The following SV2C variants were observed in gnomAD, a reference collection of about 807,000 sequenced individuals.
SV2C encodes the protein synaptic vesicle glycoprotein 2C, also known as solute carrier family 22 member B3.
SV2C carries 49 observed loss-of-function variants against 79.7 expected under a neutral mutation model. The observed-to-expected ratio is 0.61, with a 90% CI of 0.49 to 0.78. The LOEUF (loss-of-function observed/expected upper bound fraction) is 0.78. Among genes scored for constraint, SV2C ranks in the 30% least tolerant of loss-of-function variants. SV2C has a pLI of 0.00. For synonymous variants in SV2C, 334 were observed against 333.2 expected, an observed-to-expected ratio of 1.00 and a Z score of -0.03; for missense variants, 833 against 912.9, an observed-to-expected ratio of 0.91 and a Z score of 1.13.
intron 3 of SV2C, among the ~76,000 whole-genome samples, chr5:76,205,073 A>G (rs946839140): frequency 6.6e-6 from 1 of 152,194 alleles, no homozygotes; most frequent in African/African-American, 2.4e-5. Flanking sequence ...TATTGGGGAA[A>G]ATAAATGAAT....
the SV2C span, among the ~76,000 whole-genome samples, chr5:75,922,730 G>T: frequency 6.6e-6 from 1 of 152,186 alleles, no homozygotes; most frequent in Non-Finnish European, 1.5e-5. Context: ...ATCACTCAGA[G>T]TGACACTTCA....
At position 76,245,241 on chromosome 5, in the gene SV2C, A is replaced by C. The variant is rs575953743; in HGVS notation, c.913+35354A>C. On this transcript the variant is annotated intron_variant, in intron 4 of 12. Coordinates refer to ENST00000502798, the MANE Select transcript of SV2C (RefSeq NM_014979.4). ...TTCCTCAATGCCAGATTCCCAATAA[A>C]TTTTGTAGGAATGAATGAATGAATG... Among the ~76,000 whole-genome samples the C allele has an allele frequency of 5.3e-5, 8 of 152,250 alleles. No homozygotes were observed. The South Asian group carries it at 1.5e-3, about 28-fold the overall frequency.
At chr5:76,202,072 T>G (rs1744466235) in intron 3 of SV2C, among the ~76,000 whole-genome samples, 1 of 151,660 alleles carries the variant, frequency 6.6e-6, no homozygotes, top group African/African-American at 2.4e-5. Flanking sequence ...GATTGATTAT[T>G]GCTTCCAAAT....
chr5:76,027,192 G>A, the SV2C span, among the ~76,000 whole-genome samples: 1 of 150,722 alleles, frequency 6.6e-6, no homozygotes, highest in Non-Finnish European at 1.5e-5. Context: ...ATTCTGAGTA[G>A]CTGGGATTAC....
At chr5:75,910,763 A>T in the SV2C span, 1 of 1,360,582 alleles carries the variant, frequency 7.3e-7, no homozygotes, top group Non-Finnish European at 1.0e-6. Flanking sequence ...GGAGCTGCCT[A>T]TTCTTTATAA....
chr5:75,862,160 A>G, the SV2C span, among the ~76,000 whole-genome samples: 1 of 152,240 alleles, frequency 6.6e-6, no homozygotes, highest in African/African-American at 2.4e-5. Flanking sequence ...CATCAAGAAT[A>G]AATTACTAAT....
At chr5:76,266,511 A>T (rs1211167706) in intron 4 of SV2C, among the ~76,000 whole-genome samples, 1 of 152,230 alleles carries the variant, frequency 6.6e-6, no homozygotes, top group Non-Finnish European at 1.5e-5. Flanking sequence ...CCCAGGCAAC[A>T]TATGTGAATC....
chr5:76,199,352 G>GC (rs1554039641), intron 3 of SV2C, among the ~76,000 whole-genome samples: 4 of 151,826 alleles, frequency 2.6e-5, no homozygotes, highest in African/African-American at 7.3e-5. Flanking sequence ...GTGCACATAG[G>GC]CCCCCGCACT....
intron 2 of SV2C, among the ~76,000 whole-genome samples, chr5:76,147,234 A>T (rs892246169): frequency 6.6e-6 from 1 of 152,206 alleles, no homozygotes; most frequent in African/African-American, 2.4e-5. Flanking sequence ...TTTTAACACA[A>T]TACAAAAAGA....
chr5:76,013,388 C>G, the SV2C span, among the ~76,000 whole-genome samples: 124 of 152,246 alleles, frequency 8.1e-4, no homozygotes, highest in African/African-American at 2.9e-3. Flanking sequence ...GGAGTTCACT[C>G]ATAATTTGGC....
chr5:76,069,413 A>G, the SV2C span, among the ~76,000 whole-genome samples: 1 of 152,136 alleles, frequency 6.6e-6, no homozygotes. Flanking sequence ...TCTACCTTTC[A>G]GTCAAGCCTC....
At chr5:76,079,321 G>A, upstream of SV2C, 1 of 331,580 alleles carries the variant, frequency 3.0e-6, no homozygotes, top group Non-Finnish European at 6.1e-6. Context: ...TGGTCACTAT[G>A]GTAGAGATTG....
intron 12 of SV2C, among the ~76,000 whole-genome samples, chr5:76,314,206 T>C (rs1336324279): frequency 6.6e-6 from 1 of 152,214 alleles, no homozygotes; most frequent in Non-Finnish European, 1.5e-5. Flanking sequence ...TTAATTTGGC[T>C]ATGGATGATA....
At chr5:76,187,884 ATCT>A (rs1743969895) in intron 2 of SV2C, among the ~76,000 whole-genome samples, 2 of 152,160 alleles carry the variant, frequency 1.3e-5, no homozygotes, top group Non-Finnish European at 2.9e-5. Context: ...TTCCAGATCC[ATCT>A]TCTTTAATTC....
chr5:76,091,425 A>G (rs1003318811), intron 1 of SV2C, among the ~76,000 whole-genome samples: 3 of 152,168 alleles, frequency 2.0e-5, no homozygotes, highest in East Asian at 1.9e-4. Context: ...CCCTGCAGCA[A>G]CATCACCACA....
chr5:75,964,186 G>A, the SV2C span, among the ~76,000 whole-genome samples: 1 of 152,016 alleles, frequency 6.6e-6, no homozygotes, highest in South Asian at 2.1e-4. Flanking sequence ...GTCCTTGTTT[G>A]TAGTTTATAT....
the SV2C span, among the ~76,000 whole-genome samples, chr5:75,882,890 A>G: frequency 5.0e-4 from 76 of 152,238 alleles, no homozygotes; most frequent in Non-Finnish European, 9.4e-4. Context: ...AACTACCATC[A>G]GAGTAAAGAG....
chr5:76,037,410 A>G, the SV2C span, among the ~76,000 whole-genome samples: 1 of 152,068 alleles, frequency 6.6e-6, no homozygotes, highest in African/African-American at 2.4e-5. Flanking sequence ...ATGGTGATGT[A>G]CAGATGGATT....
rs1475554831 is a variant in SV2C, at chr5:76,333,147, C to G, written c.*7600C>G. On this transcript the variant is annotated 3_prime_UTR_variant, in exon 13 of 13. Coordinates refer to ENST00000502798, the MANE Select transcript of SV2C (RefSeq NM_014979.4). ...TCCAAGAAGGAAACTCCTTTCTTGC[C>G]TTGATATTCACCAGGCCTACCTAGA... 1 of 152,190 alleles carries G rather than the reference C, an allele frequency of 6.6e-6. No individual in the cohort carries two copies. The highest frequency in any genetic ancestry group is 2.4e-5 in the African/African-American group (1 of 41,456). 9.4% of individuals were successfully genotyped at this position (152,190 alleles called of 1,614,324 possible).
Sources: gnomAD v4.1 joint callset for allele counts (sites outside exome capture counted in the v4.1 genomes callset) on GRCh38, gnomAD v4.1.1 for gene constraint, MANE v1.5 for transcripts, NCBI Gene and HGNC (gene_info 2026-07-23, HGNC 2026-07-21) for gene names.